Variants in NAV3 observed in about 807,000 individuals in gnomAD.
NAV3 encodes the protein pore membrane and/or filament interacting like protein 1.
In NAV3, 87 loss-of-function variants were observed where a neutral mutation model predicts 244.7. That is an observed-to-expected ratio of 0.36 (90% CI 0.30 to 0.42). The LOEUF (loss-of-function observed/expected upper bound fraction) is 0.42. Among genes scored for constraint, NAV3 ranks in the 20% least tolerant of loss-of-function variants. The probability of loss-of-function intolerance (pLI) is 1.00; values close to 1 mark genes in which losing one functional copy is unlikely to be tolerated. For synonymous variants in NAV3, 1,126 were observed against 1,042.2 expected, an observed-to-expected ratio of 1.08 and a Z score of -1.55; for missense variants, 2,663 against 2,893.3, an observed-to-expected ratio of 0.92 and a Z score of 1.83.
At chr12:77,846,617 A>G (rs1876681344) in intron 1 of NAV3, among the ~76,000 whole-genome samples, 1 of 152,164 alleles carries the variant, frequency 6.6e-6, no homozygotes, top group African/African-American at 2.4e-5. Flanking sequence ...TCTAATTATT[A>G]GTTCTAATTT....
intron 3 of NAV3, among the ~76,000 whole-genome samples, chr12:77,942,194 G>A (rs1889934051): frequency 6.6e-6 from 1 of 152,118 alleles, no homozygotes; most frequent in South Asian, 2.1e-4. Flanking sequence ...CCAACATGGA[G>A]AAATCCTGTC....
upstream of NAV3, among the ~76,000 whole-genome samples, chr12:77,830,232 A>C (rs1252225094): frequency 6.6e-6 from 1 of 152,190 alleles, no homozygotes. Context: ...GAAGCTTGGG[A>C]TTTTAAGTTG....
At chr12:77,938,989 G>A (rs891692056) in intron 1 of NAV3, among the ~76,000 whole-genome samples, 4 of 151,442 alleles carry the variant, frequency 2.6e-5, no homozygotes, top group Non-Finnish European at 5.9e-5. Flanking sequence ...GAAGTGCGGT[G>A]TAGATACATC....
intron 11 of NAV3, among the ~76,000 whole-genome samples, chr12:78,052,655 A>G (rs1055273174): frequency 3.3e-5 from 5 of 152,062 alleles, no homozygotes; most frequent in African/African-American, 9.7e-5. Context: ...GTTAGTTATA[A>G]TTATCATTTT....
chr12:77,748,243 G>A lies in NAV3; in HGVS notation c.72+175977G>A, dbSNP rs146111874. Reference sequence around the variant, plus strand: ...TGATTTTTGGTGGAAAATTATATCAGTCATTCAGTGTCATGGTGGTTCCTC... The same window carrying A: ...TGATTTTTGGTGGAAAATTATATCAATCATTCAGTGTCATGGTGGTTCCTC... On this transcript the variant is annotated intron_variant, in intron 2 of 8. Coordinates refer to the NAV3 transcript ENST00000550042. Among the ~76,000 whole-genome samples, 407 of 152,236 alleles carry A rather than the reference G, an allele frequency of 2.7e-3. 3 individuals carry two copies. The highest frequency in any genetic ancestry group is 9.2e-3 in the African/African-American group (384 of 41,540).
At chr12:77,945,521 T>C (rs1436408241) in intron 3 of NAV3, among the ~76,000 whole-genome samples, 1 of 152,206 alleles carries the variant, frequency 6.6e-6, no homozygotes, top group Non-Finnish European at 1.5e-5. Context: ...ATTCTAGTTC[T>C]GTAGGGTATA....
At chr12:78,150,628 TC>T (rs1211279658) in intron 22 of NAV3, among the ~76,000 whole-genome samples, 4 of 96,142 alleles carry the variant, frequency 4.2e-5, no homozygotes, top group African/African-American at 1.5e-4. Flanking sequence ...TGCAAAAGCT[TC>T]CTCACACACA....
rs773521556 is a variant in NAV3, at chr12:78,006,428, A to T, written c.890A>T (p.Lys297Ile). Residue 297 changes from lysine (K) to isoleucine (I), a missense_variant, in exon 8 of 40, where the codon AAA becomes ATA. Coordinates refer to ENST00000397909, the MANE Select transcript of NAV3 (RefSeq NM_001024383.2). ...YANGNEKDSS[K>I]GPQSSSGVNG... is the part of the protein sequence containing the mutation. ...TCTAAACAATGTCCAGATTCCTCCA[A>T]AGGACCTCAATCGTCTTCAGGTGTA... 3 of 1,612,620 alleles carry T rather than the reference A, an allele frequency of 1.9e-6. No homozygotes were observed. In the Admixed American group the frequency reaches 5.0e-5, roughly 27 times the overall value.
At chr12:77,580,616 C>A (rs1260192823) in intron 2 of NAV3, among the ~76,000 whole-genome samples, 2 of 152,152 alleles carry the variant, frequency 1.3e-5, no homozygotes, top group Non-Finnish European at 2.9e-5. Flanking sequence ...CAAGGTTACC[C>A]TTAATTCATG....
intron 2 of NAV3, among the ~76,000 whole-genome samples, chr12:77,809,273 G>A (rs992576551): frequency 6.6e-6 from 1 of 152,168 alleles, no homozygotes; most frequent in African/African-American, 2.4e-5. Context: ...ACCCAGTTTT[G>A]TACTTGAAAC....
At chr12:78,124,829 T>G (rs943294848) in intron 16 of NAV3, among the ~76,000 whole-genome samples, 1 of 152,158 alleles carries the variant, frequency 6.6e-6, no homozygotes, top group Non-Finnish European at 1.5e-5. Flanking sequence ...AAAATAAACT[T>G]TAAACTAATT....
chr12:77,869,995 A>G (rs1880693476), intron 1 of NAV3, among the ~76,000 whole-genome samples: 1 of 152,184 alleles, frequency 6.6e-6, no homozygotes, highest in African/African-American at 2.4e-5. Flanking sequence ...TACTCAACTC[A>G]AATTTTATGT....
chr12:77,866,509 C>T (rs149846801), intron 1 of NAV3, among the ~76,000 whole-genome samples: 92 of 152,276 alleles, frequency 6.0e-4, no homozygotes, highest in African/African-American at 2.0e-3. Context: ...CCTCCTATCC[C>T]ACATCAAGAC....
chr12:78,150,140 G>A (rs189278296), intron 22 of NAV3, among the ~76,000 whole-genome samples: 1 of 151,976 alleles, frequency 6.6e-6, no homozygotes, highest in Non-Finnish European at 1.5e-5. Flanking sequence ...TTATAATATA[G>A]GCTACATGTA....
chr12:77,614,113 T>G (rs1263316855), intron 2 of NAV3, among the ~76,000 whole-genome samples: 1 of 123,402 alleles, frequency 8.1e-6, no homozygotes, highest in African/African-American at 3.1e-5. Context: ...ACACAGGGTC[T>G]CCCTCCTTCA....
At chr12:77,578,873 T>C (rs1275308492) in intron 2 of NAV3, among the ~76,000 whole-genome samples, 1 of 151,620 alleles carries the variant, frequency 6.6e-6, no homozygotes, top group East Asian at 2.0e-4. Context: ...CCAGTACCTG[T>C]TTCCACGTCC....
At position 77,594,662 on chromosome 12, in the gene NAV3, T is replaced by C. The variant is rs116437816; in HGVS notation, c.72+22396T>C. ...AAAGAGATGAGACACTTTTCACATA[T>C]GCACCGAAGTTAGAAGACCGTTTTT... On this transcript the variant is annotated intron_variant, in intron 2 of 8. Transcript: ENST00000550042. 4.5e-3 allele frequency among the ~76,000 whole-genome samples: 693 copies of C among 152,336 alleles called. 5 individuals carry two copies. Among genetic ancestry groups the C allele is most frequent in the African/African-American group, 0.016 (663 of 41,580 alleles).
intron 2 of NAV3, among the ~76,000 whole-genome samples, chr12:77,586,280 A>C (rs1328012558): frequency 1.6e-4 from 25 of 152,202 alleles, no homozygotes; most frequent in Non-Finnish European, 1.5e-5. Flanking sequence ...TGGAAGAGAA[A>C]CTTTATTTTT....
At chr12:78,177,523 T>C in intron 27 of NAV3, 97 bp from the exon 28 acceptor site, 1 of 1,218,448 alleles carries the variant, frequency 8.2e-7, no homozygotes. Flanking sequence ...AGAATTCAAG[T>C]GTTTCTTGAT....
Sources: gnomAD v4.1 joint callset for allele counts (sites outside exome capture counted in the v4.1 genomes callset) on GRCh38, gnomAD v4.1.1 for gene constraint, MANE v1.5 for transcripts, NCBI Gene and HGNC (gene_info 2026-07-23, HGNC 2026-07-21) for gene names.